Variants in ARL15 observed in about 807,000 individuals in gnomAD.
ARL15 encodes the protein ADP-ribosylation factor-like protein 15.
ARL15 carries 19 observed loss-of-function variants against 25.2 expected under a neutral mutation model. The observed-to-expected ratio is 0.75, with a 90% CI of 0.53 to 1.10. ARL15 has a LOEUF of 1.10. Ranked by LOEUF, ARL15 falls within the 50% of genes least tolerant of loss-of-function variation. The pLI is 0.00. For synonymous variants in ARL15, 94 were observed against 86.8 expected, an observed-to-expected ratio of 1.08 and a Z score of -0.46; for missense variants, 220 against 246.0, an observed-to-expected ratio of 0.89 and a Z score of 0.71.
At chr5:54,053,449 C>G (rs1326016438) in intron 4 of ARL15, among the ~76,000 whole-genome samples, 2 of 151,864 alleles carry the variant, frequency 1.3e-5, no homozygotes, top group Admixed American at 1.3e-4. Context: ...AAGTATGGCT[C>G]TCTAAGTATG....
chr5:54,198,588 A>C (rs71622103), intron 1 of ARL15, among the ~76,000 whole-genome samples: 1 of 148,764 alleles, frequency 6.7e-6, no homozygotes, highest in African/African-American at 2.5e-5. Flanking sequence ...CCACCTTACA[A>C]GGGACGTGAA....
At chr5:54,240,182 G>A (rs1285617227) in intron 1 of ARL15, among the ~76,000 whole-genome samples, 4 of 150,464 alleles carry the variant, frequency 2.7e-5, no homozygotes, top group South Asian at 2.1e-4. Context: ...AGCCGAGATC[G>A]CGCCACTGCA....
chr5:54,250,359 C>T (rs1348843949), intron 1 of ARL15, among the ~76,000 whole-genome samples: 1 of 152,150 alleles, frequency 6.6e-6, no homozygotes, highest in Non-Finnish European at 1.5e-5. Context: ...AACACCCAAA[C>T]CATATCACAG....
intron 1 of ARL15, among the ~76,000 whole-genome samples, chr5:54,260,806 G>A (rs1163848363): frequency 6.6e-6 from 1 of 152,064 alleles, no homozygotes; most frequent in Non-Finnish European, 1.5e-5. Context: ...AGCAGATTAG[G>A]ACAAGTGACA....
chr5:54,041,290 T>A (rs998807058), intron 4 of ARL15, among the ~76,000 whole-genome samples: 1 of 152,218 alleles, frequency 6.6e-6, no homozygotes. Context: ...ACACAATTTT[T>A]TTCCAAAGGC....
At chr5:53,907,477 TATATA>T (rs1561143797) in intron 4 of ARL15, among the ~76,000 whole-genome samples, 20 of 32,386 alleles carry the variant, frequency 6.2e-4, no homozygotes, top group African/African-American at 2.7e-3. Context: ...TATATATATA[TATATA>T]TATATATTTT....
At chr5:54,231,421 C>G (rs770057482) in intron 1 of ARL15, among the ~76,000 whole-genome samples, 34 of 152,146 alleles carry the variant, frequency 2.2e-4, no homozygotes, top group Admixed American at 1.2e-3. Context: ...TCTGCACAGC[C>G]CCAGTCAATC....
chr5:54,285,153 G>A (rs1758153811), intron 1 of ARL15, among the ~76,000 whole-genome samples: 1 of 152,058 alleles, frequency 6.6e-6, no homozygotes. Context: ...AGACTTCCCT[G>A]AGGAAGAACT....
At chr5:53,970,441 T>C (rs1561170715) in intron 4 of ARL15, among the ~76,000 whole-genome samples, 1 of 152,102 alleles carries the variant, frequency 6.6e-6, no homozygotes, top group Non-Finnish European at 1.5e-5. Flanking sequence ...TTCTCTTCCA[T>C]TCTCTCATCC....
In ARL15 at chr5:54,134,568, CTTTTTTTTTTTTTTTT is replaced by C. The variant is rs5867914; in HGVS notation, c.253+19996_253+20011del. Among the ~76,000 whole-genome samples the C allele has an allele frequency of 3.3e-4, 17 of 51,798 alleles. No individual in the cohort carries two copies. The East Asian group carries it at 7.5e-3, about 23-fold the overall frequency. The allele number at this position is 51,798 out of a possible 152,430, so 34.0% of individuals were successfully genotyped here. ...GTGAGCTCCCTGAAGGAATGATTAGCTTTTTTTTTTTTTTTTTTTTTTTTTTTTTTTTTCTGAGACA... is the reference window on the plus strand; with the variant it reads ...GTGAGCTCCCTGAAGGAATGATTAGCTTTTTTTTTTTTTTTTTCTGAGACA... On this transcript the variant is annotated intron_variant, in intron 3 of 4. Transcript: ENST00000504924.
At chr5:54,041,341 G>A (rs973223748) in intron 4 of ARL15, among the ~76,000 whole-genome samples, 11 of 152,240 alleles carry the variant, frequency 7.2e-5, no homozygotes, top group Middle Eastern at 3.4e-3. Flanking sequence ...TATTGACAAT[G>A]GTTCTTTTGT....
intron 4 of ARL15, among the ~76,000 whole-genome samples, chr5:54,101,371 G>T (rs1041634052): frequency 2.0e-5 from 3 of 152,004 alleles, no homozygotes; most frequent in Non-Finnish European, 4.4e-5. Context: ...TTTAACAGAT[G>T]AAATTACAAA....
chr5:54,036,850 G>C (rs1193124020), intron 4 of ARL15, among the ~76,000 whole-genome samples: 1 of 151,962 alleles, frequency 6.6e-6, no homozygotes, highest in Non-Finnish European at 1.5e-5. Flanking sequence ...AATGGTTTTA[G>C]GTGGAATTGT....
chr5:54,091,343 C>T (rs550177276), intron 4 of ARL15, among the ~76,000 whole-genome samples: 1 of 152,138 alleles, frequency 6.6e-6, no homozygotes, highest in Non-Finnish European at 1.5e-5. Context: ...CATAGTTATA[C>T]ATATCTCTGT....
intron 4 of ARL15, among the ~76,000 whole-genome samples, chr5:54,046,412 C>CA (rs1489495901): frequency 2.0e-5 from 3 of 152,088 alleles, no homozygotes; most frequent in Admixed American, 1.3e-4. Context: ...ACCCAGGAGG[C>CA]AGAGGTTGCA....
At chr5:54,016,804 C>A (rs1749442248) in intron 4 of ARL15, among the ~76,000 whole-genome samples, 1 of 152,192 alleles carries the variant, frequency 6.6e-6, no homozygotes, top group South Asian at 2.1e-4. Context: ...TCTGAGGAGT[C>A]AAATGCCTTA....
chr5:54,177,217 T>G (rs1362537350), intron 1 of ARL15, among the ~76,000 whole-genome samples: 1 of 152,182 alleles, frequency 6.6e-6, no homozygotes, highest in African/African-American at 2.4e-5. Flanking sequence ...CCATTCTGTG[T>G]ACCCACAAAC....
rs191373805 is a variant in ARL15, at chr5:54,187,557, C to A, written c.49-15629G>T. ...GTCTTGGGAATGGCTAAGAGTCAGT[C>A]TGAACCAAGGCAGGTGACAGGATGA... On this transcript the variant is annotated intron_variant, in intron 1 of 4. Transcript: ENST00000504924. Among the ~76,000 whole-genome samples the A allele has an allele frequency of 1.5e-4, 23 of 152,300 alleles. No individual in the cohort carries two copies. In the East Asian group the frequency reaches 2.9e-3, roughly 19 times the overall value.
intron 4 of ARL15, among the ~76,000 whole-genome samples, chr5:53,903,023 T>C (rs1001994775): frequency 6.6e-6 from 1 of 152,084 alleles, no homozygotes; most frequent in African/African-American, 2.4e-5. Flanking sequence ...GAGCCTAATA[T>C]CCTGGCAACT....
Sources: gnomAD v4.1 joint callset for allele counts (sites outside exome capture counted in the v4.1 genomes callset) on GRCh38, gnomAD v4.1.1 for gene constraint, MANE v1.5 for transcripts, NCBI Gene and HGNC (gene_info 2026-07-23, HGNC 2026-07-21) for gene names.